ZHX1: variants seen among roughly 807,000 people sequenced by gnomAD.
ZHX1 encodes zinc fingers and homeoboxes protein 1.
ZHX1 carries 20 observed loss-of-function variants against 61.8 expected under a neutral mutation model. That is an observed-to-expected ratio of 0.32 (90% CI 0.23 to 0.47). The LOEUF is 0.47. Ranked by LOEUF, ZHX1 falls within the 20% of genes least tolerant of loss-of-function variation. The pLI, the probability that ZHX1 is intolerant of heterozygous loss-of-function variation, is 1.00. For synonymous variants in ZHX1, 318 were observed against 352.6 expected, an observed-to-expected ratio of 0.90 and a Z score of 1.10; for missense variants, 800 against 1,034.8, an observed-to-expected ratio of 0.77 and a Z score of 3.11.
At chr8:123,264,043 C>T (rs1826372637) in intron 2 of ZHX1, among the ~76,000 whole-genome samples, 1 of 152,042 alleles carries the variant, frequency 6.6e-6, no homozygotes, top group African/African-American at 2.4e-5. Flanking sequence ...TAAAGTACAG[C>T]AATGAACATT....
At chr8:123,258,604 A>C (rs1373522029) in intron 2 of ZHX1, among the ~76,000 whole-genome samples, 3 of 152,146 alleles carry the variant, frequency 2.0e-5, no homozygotes, top group Non-Finnish European at 4.4e-5. Context: ...AAGAAGCCTG[A>C]ATTTAGGGAG....
chr8:123,254,307 G>A lies in ZHX1; in HGVS notation c.1640C>T (p.Thr547Met), dbSNP rs760017808. 1.9e-6 allele frequency: 3 copies of A among 1,614,122 alleles called. No homozygotes were observed. Among genetic ancestry groups the A allele is most frequent in the Admixed American group, 1.7e-5 (1 of 60,022 alleles). ...TIIIDSSDET[T>M]ESPTVGTAQP... Reference sequence around the variant, plus strand: ...TGCAGTACCAACAGTTGGGGATTCCGTGGTTTCATCACTGGAGTCTATAAT... The same window carrying A: ...TGCAGTACCAACAGTTGGGGATTCCATGGTTTCATCACTGGAGTCTATAAT... Residue 547 changes from threonine to methionine, a missense_variant, in exon 3 of 4, where the codon ACG (threonine) becomes ATG (methionine). Coordinates refer to ENST00000395571, the MANE Select transcript of ZHX1 (RefSeq NM_007222.5). The surrounding 1 kb of genome is among the most constrained non-coding windows in gnomAD (Gnocchi z 4.1).
intron 2 of ZHX1, among the ~76,000 whole-genome samples, chr8:123,257,379 C>G (rs16898199): frequency 0.058 from 8,783 of 152,182 alleles, 819 homozygotes; most frequent in African/African-American, 0.2. Context: ...TCTAACCTCA[C>G]TTTCCTTCCT....
In ZHX1 at chr8:123,256,001, C is replaced by G; in HGVS notation, c.-55G>C. On this transcript the variant is annotated 5_prime_UTR_variant, in exon 3 of 4. Transcript: ENST00000395571. Reference sequence around the variant, plus strand: ...GATTAAAAAGCATCGAGGCTTAAAACTGTTCAGTGTTCTTCATTTGAAAAC... The same window carrying G: ...GATTAAAAAGCATCGAGGCTTAAAAGTGTTCAGTGTTCTTCATTTGAAAAC... 6.7e-7 allele frequency: 1 copy of G among 1,497,796 alleles called. No individual in the cohort carries two copies. Among genetic ancestry groups the G allele is most frequent in the Non-Finnish European group, 9.0e-7 (1 of 1,113,718 alleles). 92.8% of individuals were successfully genotyped at this position (1,497,796 alleles called of 1,614,324 possible).
rs139329872 is a variant in ZHX1, at chr8:123,261,500, G to A, written c.-225-5329C>T. ...ACATGAAAGGCAATAATGATGCAATGGTGACCAAGACAGGCAGTCTCTGGT... is the reference window on the plus strand; with the variant it reads ...ACATGAAAGGCAATAATGATGCAATAGTGACCAAGACAGGCAGTCTCTGGT... On this transcript the variant is annotated intron_variant, in intron 2 of 3. Coordinates refer to ENST00000395571, the MANE Select transcript of ZHX1 (RefSeq NM_007222.5). 2.6e-3 allele frequency among the ~76,000 whole-genome samples: 395 copies of A among 152,236 alleles called. 2 individuals are homozygous for A. Among genetic ancestry groups the A allele is most frequent in the African/African-American group, 9.1e-3 (377 of 41,550 alleles).
At chr8:123,261,007 G>C (rs1014674424) in intron 2 of ZHX1, among the ~76,000 whole-genome samples, 8 of 152,158 alleles carry the variant, frequency 5.3e-5, no homozygotes, top group African/African-American at 1.9e-4. Context: ...GGGTGACAGA[G>C]AGAGACTCTG....
At chr8:123,252,704 G>C (rs563088423) in intron 3 of ZHX1, 1 of 151,954 alleles carries the variant, frequency 6.6e-6, no homozygotes, top group East Asian at 1.9e-4. Flanking sequence ...AAAAGATATT[G>C]AGTAATTTTA....
intron 3 of ZHX1, 97 bp from the exon 4 acceptor site, chr8:123,250,417 G>A (rs1165894671): frequency 1.2e-5 from 4 of 343,894 alleles, no homozygotes; most frequent in Non-Finnish European, 2.2e-5. Flanking sequence ...TACATCTTTT[G>A]TATTCTCTTG....
Position 123,249,245 on chromosome 8 carries a change from C to G in ZHX1, c.*1079G>C, listed in dbSNP as rs564523028. The G allele has an allele frequency of 3.9e-5, 6 of 152,402 alleles. No individual in the cohort carries two copies. Among genetic ancestry groups the G allele is most frequent in the Non-Finnish European group, 7.4e-5 (5 of 67,992 alleles). The allele number at this position is 152,402 out of a possible 1,614,324, so 9.4% of individuals were successfully genotyped here. A position where few individuals can be genotyped will look rare whatever the true frequency, so the allele number is the denominator to read the frequency against. On this transcript the variant is annotated 3_prime_UTR_variant, in exon 4 of 4. Coordinates refer to ENST00000395571, the MANE Select transcript of ZHX1 (RefSeq NM_007222.5). ...TTCTTCCCAATATGAATGAACAGCA[C>G]CAGTCTTTACAAAGTTTGTAAATTA... is the stretch of plus-strand genomic sequence containing the variant.
intron 1 of ZHX1, among the ~76,000 whole-genome samples, chr8:123,270,443 T>A (rs1441635819): frequency 6.6e-6 from 1 of 152,120 alleles, no homozygotes; most frequent in Non-Finnish European, 1.5e-5. Context: ...TAATATTTTT[T>A]AAAATCTAAA....
At chr8:123,262,270 T>G (rs775536493) in intron 2 of ZHX1, among the ~76,000 whole-genome samples, 1 of 152,230 alleles carries the variant, frequency 6.6e-6, no homozygotes, top group African/African-American at 2.4e-5. Context: ...ATTAATTTAA[T>G]TGCTATACTG....
intron 2 of ZHX1, among the ~76,000 whole-genome samples, chr8:123,259,492 A>T (rs527547851): frequency 1.7e-4 from 26 of 152,174 alleles, no homozygotes; most frequent in Non-Finnish European, 3.5e-4. Context: ...GGTGGTACAC[A>T]TCTGTAATCC....
At chr8:123,270,537 T>C (rs1826613395) in intron 1 of ZHX1, among the ~76,000 whole-genome samples, 1 of 152,018 alleles carries the variant, frequency 6.6e-6, no homozygotes, top group East Asian at 1.9e-4. Context: ...TCCCAGCATG[T>C]TGGGAGGCCA....
At position 123,261,217 on chromosome 8, in the gene ZHX1, G is replaced by GTC. The variant is rs1036557100; in HGVS notation, c.-225-5047_-225-5046insGA. Among the ~76,000 whole-genome samples, 225 of 152,268 alleles carry GTC rather than the reference G, an allele frequency of 1.5e-3. 2 individuals are homozygous for GTC. Among genetic ancestry groups the GTC allele is most frequent in the African/African-American group, 5.1e-3 (211 of 41,556 alleles). ...AAAATAGACCAAAGGGCAAACAAAGGTATCCTCGGAATTATTATTATAAAG... is the reference window on the plus strand; with the variant it reads ...AAAATAGACCAAAGGGCAAACAAAGGTCTATCCTCGGAATTATTATTATAAAG... On this transcript the variant is annotated intron_variant, in intron 2 of 3. Coordinates refer to ENST00000395571, the MANE Select transcript of ZHX1 (RefSeq NM_007222.5).
chr8:123,268,772 A>G (rs1826548975), intron 1 of ZHX1, among the ~76,000 whole-genome samples: 1 of 152,206 alleles, frequency 6.6e-6, no homozygotes, highest in African/African-American at 2.4e-5. Flanking sequence ...GATTACAGGC[A>G]TGATCCCTAA....
In ZHX1 at chr8:123,255,647, T is replaced by C. The variant is rs751171862; in HGVS notation, c.300A>G (p.Ser100=). Residue 100 remains serine, a synonymous_variant, in exon 3 of 4, where the codon TCA becomes TCG. Transcript: ENST00000395571. ...AATTGCATTCGACACAAACATAGGA[T>C]GAATTTAGCACTACATTGGGATGTT... is the stretch of plus-strand genomic sequence containing the variant. The part of the protein sequence containing the change: ...DSEHPNVVLN[S]SYVCVECNFL... 5.6e-6 allele frequency: 9 copies of C among 1,613,738 alleles called. No individual in the cohort carries two copies. Among genetic ancestry groups the C allele is most frequent in the Non-Finnish European group, 7.6e-6 (9 of 1,180,028 alleles).
chr8:123,268,288 T>A (rs552814266), intron 1 of ZHX1, among the ~76,000 whole-genome samples: 25 of 152,310 alleles, frequency 1.6e-4, no homozygotes, highest in Admixed American at 8.5e-4. Flanking sequence ...ACCAAATGGC[T>A]TTACAATCAG....
chr8:123,250,165 G>T lies in ZHX1; in HGVS notation c.*159C>A. 1 of 431,068 alleles carries T rather than the reference G, an allele frequency of 2.3e-6. No individual in the cohort carries two copies. The highest frequency in any genetic ancestry group is 4.6e-6 in the Non-Finnish European group (1 of 216,116). 26.7% of individuals were successfully genotyped at this position (431,068 alleles called of 1,614,324 possible). On this transcript the variant is annotated 3_prime_UTR_variant, in exon 4 of 4. Coordinates refer to ENST00000395571, the MANE Select transcript of ZHX1 (RefSeq NM_007222.5). Reference sequence around the variant, plus strand: ...CACCAACTGCAGTAGTTTAACTTTGGCACAACATTAAGTTCCATTTCTTTT... The same window carrying T: ...CACCAACTGCAGTAGTTTAACTTTGTCACAACATTAAGTTCCATTTCTTTT...
intron 3 of ZHX1, chr8:123,253,093 T>C (rs1245859109): frequency 2.5e-6 from 1 of 396,056 alleles, no homozygotes; most frequent in Non-Finnish European, 4.4e-6. Flanking sequence ...AAAAACCCAA[T>C]TCATATGAAA....
Sources: gnomAD v4.1 joint callset for allele counts (sites outside exome capture counted in the v4.1 genomes callset) on GRCh38, gnomAD v4.1.1 for gene constraint, Gnocchi (gnomAD v3.1) non-coding constraint, MANE v1.5 for transcripts, NCBI Gene and HGNC (gene_info 2026-07-23, HGNC 2026-07-21) for gene names.